Variants in BLTP2 observed in about 807,000 individuals in gnomAD.
BLTP2 encodes bridge-like lipid transfer protein family member 2, also known as U937-associated antigen.
At chr17:28,639,685 G>A in the BLTP2 span, 2 of 1,580,594 alleles carry the variant, frequency 1.3e-6, no homozygotes, top group South Asian at 1.1e-5. Context: ...GCACTGGAAG[G>A]GCAAGAGGTA....
At chr17:28,616,860 C>A in the BLTP2 span, 2 of 1,603,648 alleles carry the variant, frequency 1.2e-6, no homozygotes, top group South Asian at 2.2e-5. The surrounding 1 kb of genome is among the most constrained non-coding windows in gnomAD (Gnocchi z 4.8). Context: ...GTCCCTTGTT[C>A]CCAGGTCCCT....
the BLTP2 span, chr17:28,619,894 C>T: frequency 1.2e-6 from 2 of 1,614,002 alleles, no homozygotes; most frequent in Non-Finnish European, 8.5e-7. Flanking sequence ...CTCCAGCTGT[C>T]GTATTTGGGC....
the BLTP2 span, chr17:28,632,914 T>C: frequency 6.8e-7 from 1 of 1,476,282 alleles, no homozygotes; most frequent in African/African-American, 1.4e-5. Context: ...AAGCCCTTCC[T>C]CCCCACTGCC....
At chr17:28,645,066 G>C in the BLTP2 span, 20 of 1,586,422 alleles carry the variant, frequency 1.3e-5, no homozygotes, top group Non-Finnish European at 1.6e-5. Flanking sequence ...TTTAGGTCCG[G>C]GTCCGGCCCG....
At chr17:28,621,818 C>T in the BLTP2 span, among the ~76,000 whole-genome samples, 3 of 152,186 alleles carry the variant, frequency 2.0e-5, no homozygotes, top group Non-Finnish European at 4.4e-5. Flanking sequence ...AAATGACTTT[C>T]TCACACATTT....
At chr17:28,643,515 C>G in the BLTP2 span, 1 of 1,430,146 alleles carries the variant, frequency 7.0e-7, no homozygotes, top group Non-Finnish European at 9.8e-7. Flanking sequence ...TCCCTTCCTC[C>G]TTGGATTGTG....
chr17:28,640,510 T>C, the BLTP2 span: 2 of 1,605,820 alleles, frequency 1.2e-6, no homozygotes, highest in East Asian at 2.2e-5. Context: ...GATACCAACA[T>C]ACAGCTCCCA....
the BLTP2 span, chr17:28,631,615 T>A: frequency 6.2e-7 from 1 of 1,614,134 alleles, no homozygotes; most frequent in Admixed American, 1.7e-5. Context: ...AACGGTCACC[T>A]GACTTAGGTC....
the BLTP2 span, among the ~76,000 whole-genome samples, chr17:28,627,482 C>A: frequency 6.6e-6 from 1 of 151,968 alleles, no homozygotes; most frequent in Non-Finnish European, 1.5e-5. Flanking sequence ...TCTAGGCTCA[C>A]TGCAAGCTCT....
At chr17:28,640,176 C>A in the BLTP2 span, 1 of 804,740 alleles carries the variant, frequency 1.2e-6, no homozygotes, top group Non-Finnish European at 1.9e-6. Context: ...AGGGGGATCA[C>A]GAGGTCAGGA....
the BLTP2 span, chr17:28,638,071 G>C: frequency 2.5e-6 from 4 of 1,614,014 alleles, no homozygotes; most frequent in African/African-American, 5.3e-5. Flanking sequence ...TGCTGGACAG[G>C]CCCAGAGGCT....
the BLTP2 span, chr17:28,644,030 C>A: frequency 6.2e-7 from 1 of 1,612,514 alleles, no homozygotes; most frequent in Non-Finnish European, 8.5e-7. Flanking sequence ...CAACCCTACA[C>A]ACATATCCAG....
At chr17:28,625,095 T>A in the BLTP2 span, among the ~76,000 whole-genome samples, 2 of 151,890 alleles carry the variant, frequency 1.3e-5, no homozygotes, top group African/African-American at 2.4e-5. Flanking sequence ...CCCAGCACTT[T>A]GGGAGGCTGA....
At chr17:28,643,542 G>T in the BLTP2 span, 1 of 1,492,164 alleles carries the variant, frequency 6.7e-7, no homozygotes, top group Non-Finnish European at 9.4e-7. Flanking sequence ...CTGCAGAAGA[G>T]TGTCACTCTG....
At chr17:28,624,173 A>G in the BLTP2 span, 99 of 1,556,354 alleles carry the variant, frequency 6.4e-5, no homozygotes, top group South Asian at 1.1e-3. Context: ...AGGTGGGGGA[A>G]GGGGAACAAT....
the BLTP2 span, chr17:28,633,772 C>T: frequency 6.2e-7 from 1 of 1,608,892 alleles, no homozygotes; most frequent in African/African-American, 1.3e-5. Context: ...GGAACAAAGG[C>T]TATAACTTGT....
chr17:28,619,739 C>A, the BLTP2 span: 1 of 1,613,806 alleles, frequency 6.2e-7, no homozygotes, highest in South Asian at 1.1e-5. Context: ...TGGTTCAGGT[C>A]AAGCAGATTC....
At chr17:28,617,349 T>A in the BLTP2 span, 2 of 1,529,228 alleles carry the variant, frequency 1.3e-6, no homozygotes, top group East Asian at 2.3e-5. Context: ...CCATCTACTA[T>A]AATAAACCTT....
chr17:28,644,227 A>C, the BLTP2 span: 4 of 1,602,054 alleles, frequency 2.5e-6, no homozygotes, highest in Non-Finnish European at 3.4e-6. Flanking sequence ...ACCTTTTTCC[A>C]ATGATGGTTT....
Sources: allele counts gnomAD v4.1 joint callset (sites outside exome capture counted in the v4.1 genomes callset), GRCh38; gene constraint gnomAD v4.1.1; non-coding constraint Gnocchi (gnomAD v3.1); transcripts MANE v1.5; gene names NCBI Gene and HGNC (gene_info 2026-07-23, HGNC 2026-07-21).